MYO9A: variants seen among roughly 807,000 people sequenced by gnomAD.
MYO9A encodes the protein myosin IXA, also known as unconventional myosin-IXa.
MYO9A carries 103 observed loss-of-function variants against 293.3 expected under a neutral mutation model. That is an observed-to-expected ratio of 0.35 (90% confidence interval 0.30 to 0.41). MYO9A has a LOEUF of 0.41. Ranked by LOEUF, MYO9A falls within the 10% of genes least tolerant of loss-of-function variation. The pLI is 1.00. For missense variants in MYO9A, 2,685 were observed against 3,033.0 expected, an observed-to-expected ratio of 0.89 and a Z score of 2.69; for synonymous variants, 1,001 against 1,035.7, an observed-to-expected ratio of 0.97 and a Z score of 0.64.
intron 12 of MYO9A, among the ~76,000 whole-genome samples, chr15:71,973,885 T>A (rs1370914601): frequency 6.6e-6 from 1 of 152,118 alleles, no homozygotes; most frequent in African/African-American, 2.4e-5. Context: ...AAAATGCCAA[T>A]AAGAACTGTT....
At chr15:71,897,279 T>A in intron 25 of MYO9A, 182 bp downstream of exon 25, 2 of 651,728 alleles carry the variant, frequency 3.1e-6, no homozygotes, top group South Asian at 4.6e-5. Context: ...CAAGGATTCC[T>A]AGGATATAAC....
chr15:71,988,147 A>G (rs2076450666), intron 11 of MYO9A, among the ~76,000 whole-genome samples: 1 of 152,236 alleles, frequency 6.6e-6, no homozygotes, highest in Non-Finnish European at 1.5e-5. Flanking sequence ...CCACAGAGCA[A>G]CTGATGTTCT....
At chr15:72,095,874 G>A (rs975459147) in intron 1 of MYO9A, among the ~76,000 whole-genome samples, 2 of 151,710 alleles carry the variant, frequency 1.3e-5, no homozygotes, top group African/African-American at 4.8e-5. Context: ...GAGGTCAGGA[G>A]TTCAAGACCA....
intron 32 of MYO9A, among the ~76,000 whole-genome samples, chr15:71,867,257 G>A (rs538851611): frequency 3.3e-5 from 5 of 152,148 alleles, no homozygotes; most frequent in African/African-American, 4.8e-5. Context: ...ATTCCATAAA[G>A]ATCGCAATTT....
At chr15:71,832,097 A>G (rs1045301327) in intron 39 of MYO9A, among the ~76,000 whole-genome samples, 1 of 152,122 alleles carries the variant, frequency 6.6e-6, no homozygotes, top group Admixed American at 6.5e-5. Context: ...GCCAATATGA[A>G]GAAACCCCAT....
chr15:71,963,831 A>C (rs1228024217), intron 13 of MYO9A, among the ~76,000 whole-genome samples: 1 of 152,194 alleles, frequency 6.6e-6, no homozygotes, highest in Non-Finnish European at 1.5e-5. Context: ...ATCTTAAAGG[A>C]TATGTCTAAT....
At chr15:71,953,330 T>C (rs935422390) in intron 14 of MYO9A, among the ~76,000 whole-genome samples, 5 of 152,172 alleles carry the variant, frequency 3.3e-5, no homozygotes, top group African/African-American at 1.2e-4. Flanking sequence ...AGGGGACCAG[T>C]TGAGGAAAAA....
chr15:71,961,546 A>AGAT (rs2075740386), intron 13 of MYO9A, among the ~76,000 whole-genome samples: 1 of 152,182 alleles, frequency 6.6e-6, no homozygotes. Context: ...CCTTTCAGAT[A>AGAT]GATATTACTA....
chr15:72,027,313 TTTATC>T (rs933031049), intron 4 of MYO9A, among the ~76,000 whole-genome samples: 3 of 152,232 alleles, frequency 2.0e-5, no homozygotes, highest in African/African-American at 7.2e-5. Context: ...AATTTACTTC[TTTATC>T]TTATTTCTCC....
At chr15:72,042,854 G>A (rs1255440787) in intron 2 of MYO9A, among the ~76,000 whole-genome samples, 1 of 151,938 alleles carries the variant, frequency 6.6e-6, no homozygotes, top group Non-Finnish European at 1.5e-5. Flanking sequence ...TTGAGCTCAG[G>A]AGTTCAGGAC....
At chr15:72,070,059 G>A (rs2079139665) in intron 1 of MYO9A, among the ~76,000 whole-genome samples, 1 of 149,346 alleles carries the variant, frequency 6.7e-6, no homozygotes, top group Non-Finnish European at 1.5e-5. Context: ...AACCCGGGAG[G>A]CAGAGGTTGC....
intron 3 of MYO9A, among the ~76,000 whole-genome samples, chr15:72,028,006 T>C (rs1243006174): frequency 6.6e-6 from 1 of 151,462 alleles, no homozygotes; most frequent in East Asian, 2.0e-4. Flanking sequence ...AAGACCAGCC[T>C]GGCTGATATG....
At chr15:72,112,388 A>C (rs1366422774) in intron 1 of MYO9A, among the ~76,000 whole-genome samples, 2 of 152,206 alleles carry the variant, frequency 1.3e-5, no homozygotes, top group African/African-American at 4.8e-5. Flanking sequence ...CAGAGGCCTA[A>C]CACTATTTGG....
chr15:72,113,089 G>T (rs2080840154), intron 1 of MYO9A, among the ~76,000 whole-genome samples: 1 of 152,126 alleles, frequency 6.6e-6, no homozygotes, highest in Non-Finnish European at 1.5e-5. Context: ...TTTTTAAAAT[G>T]CTCAATCTAA....
chr15:71,966,268 G>GTGTGTA (rs2147215635), intron 13 of MYO9A, among the ~76,000 whole-genome samples: 2 of 120,558 alleles, frequency 1.7e-5, no homozygotes, highest in Admixed American at 1.8e-4. Flanking sequence ...CCAGGCAAGT[G>GTGTGTA]TGTGTGTGTG....
At chr15:71,872,815 T>C (rs1471944091) in intron 32 of MYO9A, among the ~76,000 whole-genome samples, 2 of 152,210 alleles carry the variant, frequency 1.3e-5, no homozygotes, top group Admixed American at 6.5e-5. Context: ...TAAAAACATA[T>C]GCAAATAGTA....
chr15:72,078,054 G>T (rs1026814650), intron 1 of MYO9A, among the ~76,000 whole-genome samples: 8 of 152,094 alleles, frequency 5.3e-5, no homozygotes, highest in Admixed American at 2.0e-4. Context: ...GGAATTACAG[G>T]AACTCTCATT....
At chr15:71,903,822 G>A (rs2057551867) in intron 21 of MYO9A, 107 bp downstream of exon 21, 1 of 960,534 alleles carries the variant, frequency 1.0e-6, no homozygotes. Flanking sequence ...AAATGGAAAG[G>A]AAGAATTAAG....
At chr15:72,080,584 T>C (rs889468239) in intron 1 of MYO9A, among the ~76,000 whole-genome samples, 3 of 151,822 alleles carry the variant, frequency 2.0e-5, no homozygotes, top group African/African-American at 7.3e-5. Context: ...AAAAGTGAGG[T>C]CTAAATTGTG....
Sources: allele counts gnomAD v4.1 joint callset (sites outside exome capture counted in the v4.1 genomes callset), GRCh38; gene constraint gnomAD v4.1.1; transcripts MANE v1.5; gene names NCBI Gene and HGNC (gene_info 2026-07-23, HGNC 2026-07-21).